FAM9B: variants seen among roughly 807,000 people sequenced by gnomAD.
The protein encoded by FAM9B is family with sequence similarity 9 member B, also known as protein FAM9B.
A neutral mutation model predicts 16.6 loss-of-function variants in FAM9B; 18 were observed. The ratio of observed to expected loss-of-function variants is 1.09; its 90% CI spans 0.75 to 1.61. The LOEUF is 1.61. Ranked by LOEUF, FAM9B falls within the 40% of genes most tolerant of loss-of-function variation. The probability of loss-of-function intolerance (pLI) is 0.00; values close to 1 mark genes in which losing one functional copy is unlikely to be tolerated. For missense variants in FAM9B, 155 were observed against 136.0 expected (o/e 1.14, Z -0.70); for synonymous variants, 43 against 42.6 (o/e 1.01, Z -0.03).
Position 9,032,413 on chromosome X carries a change from T to C in FAM9B, c.77A>G (p.Glu26Gly), listed in dbSNP as rs1406999197. 1.7e-6 allele frequency: 2 copies of C among 1,209,854 alleles called. No homozygotes were observed. The highest frequency in any genetic ancestry group is 4.4e-5 in the Admixed American group (2 of 45,694). ...DECEERNRFT[E>G]TREEDVTDEH... is the part of the protein sequence containing the mutation. ...ATCAGTTACATCTTCCTCCCTTGTT[T>C]CTGTAAAACGGTTTCTTTCCTCACA... is the stretch of plus-strand genomic sequence containing the variant. Residue 26 changes from glutamate to glycine, a missense_variant, in exon 3 of 9, where the codon GAA (glutamate) becomes GGA (glycine). Glu to Gly is a moderately conservative substitution (Grantham distance 98, BLOSUM62 -2). Transcript: ENST00000327220.
intron 4 of FAM9B, chrX:9,031,571 G>C (rs1921073500): frequency 9.0e-6 from 1 of 111,444 alleles, no homozygotes; most frequent in African/African-American, 3.3e-5. Context: ...TAAAAACTCT[G>C]AGTACAGACG....
At chrX:9,031,781 A>C (rs1921081043) in intron 4 of FAM9B, 2 of 154,823 alleles carry the variant, frequency 1.3e-5, no homozygotes, top group Non-Finnish European at 2.5e-5. Flanking sequence ...GTAAAAGCTA[A>C]AAAAAACCAT....
At chrX:9,033,378 G>A in intron 1 of FAM9B, 2 of 994,424 alleles carry the variant, frequency 2.0e-6, no homozygotes, top group Admixed American at 4.3e-5. Context: ...ACCCCATGTG[G>A]CTGGGAGGGC....
At chrX:9,030,587 C>T (rs1456291510) in intron 4 of FAM9B, 1 of 269,631 alleles carries the variant, frequency 3.7e-6, no homozygotes, top group African/African-American at 2.8e-5. Context: ...GTTGGTATAA[C>T]TGAAAATCAC....
At position 9,025,614 on chromosome X, in the gene FAM9B, C is replaced by G. The variant is rs776684965; in HGVS notation, c.493-31G>C. 3.6e-6 allele frequency: 4 copies of G among 1,107,227 alleles called. No individual in the cohort carries two copies. The East Asian group carries it at 1.2e-4, about 33-fold the overall frequency. 91.2% of individuals were successfully genotyped at this position (1,107,227 alleles called of 1,213,427 possible). On this transcript the variant is annotated intron_variant, in intron 7 of 8. Coordinates refer to ENST00000327220, the MANE Select transcript of FAM9B (RefSeq NM_205849.3). ...AGAAAAAGTCTAGTTCACTGACAAA[C>G]CACCACTTTATATCTCGCATTTTAA...
intron 7 of FAM9B, among the ~76,000 whole-genome samples, chrX:9,027,358 A>C (rs1344553894): frequency 8.9e-6 from 1 of 111,966 alleles, no homozygotes; most frequent in Non-Finnish European, 1.9e-5. Context: ...CAAGTAAAAA[A>C]GCCATCCAGA....
In FAM9B at chrX:9,029,294, G is replaced by A. The variant is rs1379967742; in HGVS notation, c.393+13C>T. The A allele has an allele frequency of 8.8e-7, 1 of 1,137,694 alleles. No individual in the cohort carries two copies. Among genetic ancestry groups the A allele is most frequent in the Non-Finnish European group, 1.2e-6 (1 of 831,861 alleles). 93.8% of individuals were successfully genotyped at this position (1,137,694 alleles called of 1,213,427 possible). A position where few individuals can be genotyped will look rare whatever the true frequency, so the allele number is the denominator to read the frequency against. ...CATAACAGGTTATACATAAAGCTAA[G>A]CATGATACCAACAATTAGTTCTTCC... On this transcript the variant is annotated intron_variant, in intron 6 of 8. Coordinates refer to ENST00000327220, the MANE Select transcript of FAM9B (RefSeq NM_205849.3).
chrX:9,032,305 C>T, intron 3 of FAM9B, 36 bp downstream of exon 3: 1 of 1,208,545 alleles, frequency 8.3e-7, no homozygotes, highest in Non-Finnish European at 1.1e-6. Flanking sequence ...CCTAAAAGAC[C>T]CTATCCGACA....
intron 8 of FAM9B, 45 bp downstream of exon 8, chrX:9,025,439 G>C (rs1296518992): frequency 2.3e-6 from 2 of 867,631 alleles, no homozygotes; most frequent in Non-Finnish European, 3.2e-6. Context: ...ATATTCCAGT[G>C]CTACATCAAT....
rs752760601 is a variant in FAM9B at position 9,032,159 on chromosome X, G to A, written c.152C>T (p.Ala51Val). ...PFAETDEHTG[A>V]NTKKPEDTAE... is the part of the protein sequence containing the mutation. ...AGTATCTTCTGGCTTCTTGGTATTA[G>A]CCCTGTAAAAAAAGTTACATCAAAA... Residue 51 changes from alanine (A) to valine (V), a missense_variant and splice_region_variant, in exon 4 of 9, where the codon GCT (alanine) becomes GTT (valine). Ala to Val is a moderately conservative substitution (Grantham distance 64). Coordinates refer to ENST00000327220, the MANE Select transcript of FAM9B (RefSeq NM_205849.3). 90 of 1,201,943 alleles carry A rather than the reference G, an allele frequency of 7.5e-5. No homozygotes were observed. Among genetic ancestry groups the A allele is most frequent in the East Asian group, 3.3e-4 (11 of 33,729 alleles).
chrX:9,029,319 C>T lies in FAM9B; in HGVS notation c.381G>A (p.Glu127=). Residue 127 remains glutamate (E), a synonymous_variant, in exon 6 of 9, where the codon GAG becomes GAA. Transcript: ENST00000327220. Reference sequence around the variant, plus strand: ...GCATGATACCAACAATTAGTTCTTCCTCTTCTCCCTCTTCTTCTTCTTCCT... The same window carrying T: ...GCATGATACCAACAATTAGTTCTTCTTCTTCTCCCTCTTCTTCTTCTTCCT... ...QKEEEEEEGE[E]EELIRIFQEQ... The T allele has an allele frequency of 8.4e-7, 1 of 1,196,918 alleles. No individual in the cohort carries two copies. Among genetic ancestry groups the T allele is most frequent in the Non-Finnish European group, 1.1e-6 (1 of 883,868 alleles).
At chrX:9,029,738 G>A (rs1044805124) in intron 5 of FAM9B, among the ~76,000 whole-genome samples, 3 of 111,537 alleles carry the variant, frequency 2.7e-5, no homozygotes, top group African/African-American at 9.8e-5. Flanking sequence ...TAACATATGG[G>A]TTCTCATAAG....
At position 9,029,192 on chromosome X, in the gene FAM9B, G is replaced by A; in HGVS notation, c.393+115C>T. The A allele has an allele frequency of 5.2e-6, 3 of 578,814 alleles. No homozygotes were observed. The East Asian group carries it at 1.0e-4, about 20-fold the overall frequency. 47.7% of individuals were successfully genotyped at this position (578,814 alleles called of 1,213,427 possible). ...CCCCTAGTCCATTAGTCCACTAACGGGCCCCCCTCTCTGGGCTCATGCGCT... is the reference window on the plus strand; with the variant it reads ...CCCCTAGTCCATTAGTCCACTAACGAGCCCCCCTCTCTGGGCTCATGCGCT... On this transcript the variant is annotated intron_variant, in intron 6 of 8. Coordinates refer to ENST00000327220, the MANE Select transcript of FAM9B (RefSeq NM_205849.3).
intron 6 of FAM9B, among the ~76,000 whole-genome samples, chrX:9,028,662 T>C (rs1023448567): frequency 3.6e-5 from 4 of 111,624 alleles, no homozygotes; most frequent in Non-Finnish European, 7.5e-5. Flanking sequence ...AATTTGCCCA[T>C]GGTTTCCGAG....
Position 9,034,086 on chromosome X carries a change from A to C in FAM9B, c.-324T>G. The C allele has an allele frequency of 3.3e-5, 5 of 153,134 alleles. No homozygotes were observed. Among genetic ancestry groups the C allele is most frequent in the Non-Finnish European group, 5.6e-5 (5 of 89,271 alleles). 12.6% of individuals were successfully genotyped at this position (153,134 alleles called of 1,213,427 possible). A position where few individuals can be genotyped will look rare whatever the true frequency, so the allele number is the denominator to read the frequency against. ...ACAAAAAAAAAGAAAAGTAAAGAAA[A>C]CGGGTCCTCAGTTCTCGTGAGAGCT... On this transcript the variant is annotated 5_prime_UTR_variant, in exon 1 of 9. Coordinates refer to ENST00000327220, the MANE Select transcript of FAM9B (RefSeq NM_205849.3).
At chrX:9,033,278 C>T in intron 1 of FAM9B, 1 of 1,084,376 alleles carries the variant, frequency 9.2e-7, no homozygotes, top group South Asian at 2.4e-5. Context: ...AAGCTCACAG[C>T]TGCCCCTCAC....
intron 7 of FAM9B, among the ~76,000 whole-genome samples, chrX:9,027,182 C>A (rs763236926): frequency 4.5e-5 from 5 of 112,160 alleles, no homozygotes; most frequent in African/African-American, 1.6e-4. Flanking sequence ...TTCTGTTATA[C>A]ATCTGAACCA....
Position 9,027,888 on chromosome X carries a change from G to A in FAM9B, c.472C>T (p.Leu158=). Residue 158 remains leucine (L), a synonymous_variant, in exon 7 of 9, where the codon CTA becomes TTA. Transcript: ENST00000327220. Reference sequence around the variant, plus strand: ...CAGACCTTTACGAATTGGTCACGTAGCAGCTTCATCTCTTTCAGCCTCTCT... The same window carrying A: ...CAGACCTTTACGAATTGGTCACGTAACAGCTTCATCTCTTTCAGCCTCTCT... ...RRERLKEMKL[L]RDQFVKALED... 8.3e-7 allele frequency: 1 copy of A among 1,209,735 alleles called. No homozygotes were observed. The highest frequency in any genetic ancestry group is 1.1e-6 in the Non-Finnish European group (1 of 893,902).
rs892619764 is a variant in FAM9B at position 9,024,244 on chromosome X, T to G, written c.*1165A>C. The G allele has an allele frequency of 8.1e-5, 9 of 111,344 alleles. No homozygotes were observed. The highest frequency in any genetic ancestry group is 2.9e-4 in the African/African-American group (9 of 30,674). 9.2% of individuals were successfully genotyped at this position (111,344 alleles called of 1,213,427 possible). ...AGGCAGGCGAATTCATCATTCAAGTTTTTAGATGTCCATATAAACTTCCAC... is the reference window on the plus strand; with the variant it reads ...AGGCAGGCGAATTCATCATTCAAGTGTTTAGATGTCCATATAAACTTCCAC... On this transcript the variant is annotated 3_prime_UTR_variant, in exon 9 of 9. Coordinates refer to ENST00000327220, the MANE Select transcript of FAM9B (RefSeq NM_205849.3).
Sources: gnomAD v4.1 joint callset for allele counts (sites outside exome capture counted in the v4.1 genomes callset) on GRCh38, gnomAD v4.1.1 for gene constraint, MANE v1.5 for transcripts, NCBI Gene and HGNC (gene_info 2026-07-23, HGNC 2026-07-21) for gene names.